Variants in PRCP observed in about 807,000 individuals in gnomAD.
PRCP encodes prolylcarboxypeptidase.
In PRCP, 46 loss-of-function variants were observed where a neutral mutation model predicts 54.2. The ratio of observed to expected loss-of-function variants is 0.85; its 90% CI spans 0.67 to 1.09. The LOEUF (loss-of-function observed/expected upper bound fraction) is 1.09. Among genes scored for constraint, PRCP ranks in the 50% least tolerant of loss-of-function variants. The pLI is 0.00. For missense variants in PRCP, 613 were observed against 596.8 expected (o/e 1.03, Z -0.28); for synonymous variants, 240 against 212.2 (o/e 1.13, Z -1.14).
At chr11:82,889,782 A>T (rs1206051721) in intron 1 of PRCP, among the ~76,000 whole-genome samples, 1 of 152,236 alleles carries the variant, frequency 6.6e-6, no homozygotes, top group African/African-American at 2.4e-5. Flanking sequence ...ATAGATTGAA[A>T]GGCCTTAAAT....
intron 6 of PRCP, among the ~76,000 whole-genome samples, chr11:82,842,572 C>CTACA (rs1296417812): frequency 6.6e-6 from 1 of 152,136 alleles, no homozygotes; most frequent in Non-Finnish European, 1.5e-5. Flanking sequence ...ACAAATAAGG[C>CTACA]TACAATAAAT....
At chr11:82,839,056 G>A (rs1235510115) in intron 7 of PRCP, among the ~76,000 whole-genome samples, 1 of 152,182 alleles carries the variant, frequency 6.6e-6, no homozygotes, top group Non-Finnish European at 1.5e-5. Flanking sequence ...CCTGACACAT[G>A]TAAGAACTCA....
chr11:82,832,659 G>T (rs945188254), intron 8 of PRCP, among the ~76,000 whole-genome samples: 2 of 152,192 alleles, frequency 1.3e-5, no homozygotes, highest in African/African-American at 4.8e-5. Context: ...TAGGTTGCCT[G>T]TTCACTCTGA....
chr11:82,878,735 T>G (rs1859666995), intron 1 of PRCP, among the ~76,000 whole-genome samples: 1 of 152,208 alleles, frequency 6.6e-6, no homozygotes, highest in Non-Finnish European at 1.5e-5. Context: ...AGGGCAGGCC[T>G]GGTGGTGACA....
intron 8 of PRCP, chr11:82,835,951 G>A: frequency 3.3e-6 from 1 of 305,346 alleles, no homozygotes; most frequent in South Asian, 3.0e-5. Flanking sequence ...CCAGCAATTT[G>A]GGAGGCCGAG....
intron 1 of PRCP, among the ~76,000 whole-genome samples, chr11:82,874,839 C>T (rs892329105): frequency 7.2e-5 from 11 of 152,046 alleles, no homozygotes; most frequent in Non-Finnish European, 7.4e-5. Context: ...TCCACACAGC[C>T]GTCTACCCTG....
chr11:82,855,850 AT>A (rs1158333948), intron 2 of PRCP, among the ~76,000 whole-genome samples: 8 of 152,226 alleles, frequency 5.3e-5, no homozygotes, highest in Non-Finnish European at 7.3e-5. Flanking sequence ...CAGTAAAAAA[AT>A]AACAGATGTT....
intron 1 of PRCP, among the ~76,000 whole-genome samples, chr11:82,884,276 G>T (rs549511987): frequency 1.1e-3 from 170 of 152,234 alleles, no homozygotes; most frequent in African/African-American, 3.9e-3. Flanking sequence ...AATATCATTT[G>T]TGCTGGGCAC....
chr11:82,841,491 A>G (rs958535445), intron 6 of PRCP, among the ~76,000 whole-genome samples: 7 of 152,206 alleles, frequency 4.6e-5, no homozygotes, highest in Non-Finnish European at 8.8e-5. Context: ...ATGATTTCTC[A>G]GAACCTTTAA....
chr11:82,841,058 A>ATATATATATATATAAATAAT (rs1178732590), intron 6 of PRCP, among the ~76,000 whole-genome samples: 1 of 149,630 alleles, frequency 6.7e-6, no homozygotes, highest in African/African-American at 2.5e-5. Flanking sequence ...TATATAATAG[A>ATATATATATATATAAATAAT]CTAGTCCTGA....
intron 8 of PRCP, chr11:82,830,807 C>T (rs951686862): frequency 6.6e-5 from 10 of 151,724 alleles, no homozygotes; most frequent in Admixed American, 6.6e-4. Flanking sequence ...TCGCCTTTAT[C>T]ATTATTCCAA....
intron 2 of PRCP, 50 bp from the exon 3 acceptor site, chr11:82,853,328 G>T: frequency 6.6e-7 from 1 of 1,512,322 alleles, no homozygotes. Flanking sequence ...GTGAAAAAAA[G>T]TCACTGAACC....
chr11:82,849,411 A>G (rs1858891881), intron 5 of PRCP, among the ~76,000 whole-genome samples, 193 bp from the exon 6 acceptor site: 2 of 152,254 alleles, frequency 1.3e-5, no homozygotes, highest in African/African-American at 4.8e-5. Flanking sequence ...CATAATTAGT[A>G]TTCAGAATTA....
At chr11:82,848,496 G>A (rs1591046933) in intron 6 of PRCP, among the ~76,000 whole-genome samples, 1 of 152,346 alleles carries the variant, frequency 6.6e-6, no homozygotes, top group East Asian at 1.9e-4. Flanking sequence ...CAGTTGGTAA[G>A]TGAAGCAGCA....
chr11:82,887,655 C>T (rs1440932384), intron 1 of PRCP, among the ~76,000 whole-genome samples: 1 of 152,212 alleles, frequency 6.6e-6, no homozygotes, highest in Non-Finnish European at 1.5e-5. Context: ...TCCTACTCCT[C>T]TTTCTCCCCC....
chr11:82,880,864 G>A (rs1248707679), intron 1 of PRCP, among the ~76,000 whole-genome samples: 2 of 149,564 alleles, frequency 1.3e-5, no homozygotes, highest in Non-Finnish European at 3.0e-5. Context: ...CCTCTGCAAG[G>A]AAGGACTTAA....
At position 82,849,088 on chromosome 11, in the gene PRCP, G is replaced by C. The variant is rs764337754; in HGVS notation, c.882C>G (p.Ala294=). The C allele has an allele frequency of 6.2e-7, 1 of 1,613,988 alleles. No homozygotes were observed. ...CAGGCAAAGGCTGTAAAAAGTTAGA[G>C]GCATAAGGATAGTCCACCATTGCCA... ...VNLAMVDYPY[A]SNFLQPLPAW... Residue 294 remains alanine (A), a synonymous_variant, in exon 6 of 9, where the codon GCC becomes GCG. Coordinates refer to ENST00000313010, the MANE Select transcript of PRCP (RefSeq NM_005040.4).
At chr11:82,894,647 T>C (rs1196226834) in intron 1 of PRCP, among the ~76,000 whole-genome samples, 1 of 152,220 alleles carries the variant, frequency 6.6e-6, no homozygotes, top group Non-Finnish European at 1.5e-5. Flanking sequence ...GTTTTAAAAG[T>C]CTAAATTCTC....
intron 8 of PRCP, chr11:82,830,366 AC>A (rs1858348626): frequency 6.6e-6 from 1 of 152,064 alleles, no homozygotes; most frequent in African/African-American, 2.4e-5. Context: ...GGTGGCTCAC[AC>A]CTATAATCCC....
Sources: allele counts gnomAD v4.1 joint callset (sites outside exome capture counted in the v4.1 genomes callset), GRCh38; gene constraint gnomAD v4.1.1; transcripts MANE v1.5; gene names NCBI Gene and HGNC (gene_info 2026-07-23, HGNC 2026-07-21).